RUFY3: variants seen among roughly 807,000 people sequenced by gnomAD.
RUFY3 encodes RUN and FYVE domain containing 3.
In RUFY3, 34 loss-of-function variants were observed where a neutral mutation model predicts 84.0. That is an observed-to-expected ratio of 0.40 (90% CI 0.31 to 0.54). The LOEUF (loss-of-function observed/expected upper bound fraction) is 0.54, where lower values mean the gene tolerates loss of function less well. Among genes scored for constraint, RUFY3 ranks in the 20% least tolerant of loss-of-function variants. RUFY3 has a pLI of 0.39. For synonymous variants in RUFY3, 242 were observed against 252.9 expected, an observed-to-expected ratio of 0.96 and a Z score of 0.41; for missense variants, 507 against 736.8, an observed-to-expected ratio of 0.69 and a Z score of 3.61.
At chr4:70,723,007 A>C (rs1323218319) in intron 1 of RUFY3, among the ~76,000 whole-genome samples, 2 of 152,224 alleles carry the variant, frequency 1.3e-5, no homozygotes, top group African/African-American at 2.4e-5. Flanking sequence ...TAAGCCTCTA[A>C]ATAAAACATT....
At chr4:70,800,732 A>G (rs1327288830) in intron 15 of RUFY3, among the ~76,000 whole-genome samples, 1 of 152,132 alleles carries the variant, frequency 6.6e-6, no homozygotes, top group East Asian at 1.9e-4. Flanking sequence ...ACGATACAAA[A>G]TTAGTCGGGT....
chr4:70,800,256 G>A, intron 15 of RUFY3, 51 bp downstream of exon 15: 1 of 1,447,634 alleles, frequency 6.9e-7, no homozygotes, highest in South Asian at 1.3e-5. Flanking sequence ...CTGGGGTGGT[G>A]GGAAGGAGGG....
chr4:70,724,683 T>C (rs1430435147), intron 1 of RUFY3, among the ~76,000 whole-genome samples: 2 of 152,194 alleles, frequency 1.3e-5, no homozygotes, highest in Non-Finnish European at 2.9e-5. Flanking sequence ...ACAGTGCATT[T>C]TAGAATTTTG....
chr4:70,797,458 A>G (rs1731668473), intron 14 of RUFY3, among the ~76,000 whole-genome samples: 1 of 152,204 alleles, frequency 6.6e-6, no homozygotes, highest in East Asian at 1.9e-4. Context: ...TAAAATTTCT[A>G]GAGAGTGAGC....
intron 1 of RUFY3, among the ~76,000 whole-genome samples, chr4:70,730,980 C>G (rs1052091064): frequency 6.6e-6 from 1 of 151,776 alleles, no homozygotes; most frequent in East Asian, 1.9e-4. Flanking sequence ...AGCTTAAGTA[C>G]AGTCAGCATG....
At chr4:70,792,493 C>T in intron 12 of RUFY3, 1 of 985,072 alleles carries the variant, frequency 1.0e-6, no homozygotes, top group Non-Finnish European at 1.2e-6. Flanking sequence ...TGTAAATAAT[C>T]CTATAAACAG....
intron 1 of RUFY3, chr4:70,741,667 C>T (rs892866722): frequency 1.7e-5 from 26 of 1,520,358 alleles, no homozygotes; most frequent in Non-Finnish European, 2.2e-5. Context: ...AGCAAATGCG[C>T]GATGATACAG....
upstream of RUFY3, among the ~76,000 whole-genome samples, chr4:70,721,117 G>T (rs1460498572): frequency 6.6e-6 from 1 of 151,896 alleles, no homozygotes; most frequent in African/African-American, 2.4e-5. Context: ...TTCAAGACCA[G>T]CCTGGCCAAG....
At chr4:70,797,943 A>G (rs1189576826) in intron 14 of RUFY3, among the ~76,000 whole-genome samples, 1 of 152,226 alleles carries the variant, frequency 6.6e-6, no homozygotes, top group African/African-American at 2.4e-5. Flanking sequence ...ACAAAAGTTT[A>G]CTTAAAATCT....
intron 5 of RUFY3, among the ~76,000 whole-genome samples, chr4:70,770,654 A>G (rs2148729076): frequency 1.3e-5 from 2 of 152,292 alleles, no homozygotes; most frequent in East Asian, 3.9e-4. Context: ...CAGACCACTC[A>G]AACTTTATTC....
chr4:70,720,888 CGTGTGTGTGTGTGTGT>C (rs71210198), upstream of RUFY3, among the ~76,000 whole-genome samples: 24 of 138,558 alleles, frequency 1.7e-4, no homozygotes, highest in East Asian at 4.3e-4. Flanking sequence ...AATATAGGGC[CGTGTGTGTGTGTGTGT>C]GTGTGTGTGT....
At chr4:70,706,126 C>G (rs769838885) in intron 1 of RUFY3, among the ~76,000 whole-genome samples, 1 of 152,092 alleles carries the variant, frequency 6.6e-6, no homozygotes, top group Non-Finnish European at 1.5e-5. Flanking sequence ...AATATAAGGA[C>G]TCTTAGAGGA....
chr4:70,773,910 A>G (rs1193484989), intron 6 of RUFY3, among the ~76,000 whole-genome samples: 1 of 152,212 alleles, frequency 6.6e-6, no homozygotes, highest in Non-Finnish European at 1.5e-5. Flanking sequence ...CAGTTTGCTT[A>G]AAATTGGCAA....
At chr4:70,793,281 A>G in intron 12 of RUFY3, 2 of 994,902 alleles carry the variant, frequency 2.0e-6, no homozygotes, top group Non-Finnish European at 2.4e-6. Context: ...ATAATGTCCC[A>G]TGATTTAATA....
At chr4:70,772,074 T>C (rs893882940) in intron 5 of RUFY3, among the ~76,000 whole-genome samples, 3 of 151,232 alleles carry the variant, frequency 2.0e-5, no homozygotes, top group Non-Finnish European at 4.4e-5. Flanking sequence ...CTTTTTTTTT[T>C]CTGCCTGGAT....
chr4:70,778,214 G>A (rs544564608), intron 7 of RUFY3, among the ~76,000 whole-genome samples, 155 bp from the exon 8 acceptor site: 4 of 152,090 alleles, frequency 2.6e-5, no homozygotes, highest in South Asian at 2.1e-4. Context: ...CAGTCTCAGC[G>A]ACACAACGAG....
intron 1 of RUFY3, among the ~76,000 whole-genome samples, chr4:70,753,431 A>G (rs944196663): frequency 6.6e-5 from 10 of 152,138 alleles, no homozygotes; most frequent in African/African-American, 2.2e-4. Context: ...AGGGCTTTCT[A>G]CTTATATACA....
chr4:70,727,643 T>C (rs1019227138), intron 1 of RUFY3, among the ~76,000 whole-genome samples: 5 of 148,864 alleles, frequency 3.4e-5, no homozygotes, highest in Non-Finnish European at 7.4e-5. Flanking sequence ...AAAAATTAGC[T>C]GGGCGTGGTG....
exon 1 of RUFY3, chr4:70,704,875 C>A: frequency 9.0e-7 from 1 of 1,110,414 alleles, no homozygotes; most frequent in South Asian, 4.4e-5. Context: ...TCGCCCTGAC[C>A]CTCTGCTCCC....
Sources: gnomAD v4.1 joint callset for allele counts (sites outside exome capture counted in the v4.1 genomes callset) on GRCh38, gnomAD v4.1.1 for gene constraint, MANE v1.5 for transcripts, NCBI Gene and HGNC (gene_info 2026-07-23, HGNC 2026-07-21) for gene names.